MAGI1: variants seen among roughly 807,000 people sequenced by gnomAD.
MAGI1 encodes the protein membrane associated guanylate kinase, WW and PDZ domain containing 1.
In MAGI1, 58 loss-of-function variants were observed where a neutral mutation model predicts 139.9. The ratio of observed to expected loss-of-function variants is 0.41; its 90% CI spans 0.34 to 0.52. The LOEUF (loss-of-function observed/expected upper bound fraction) is 0.52. Among genes scored for constraint, MAGI1 ranks in the 20% least tolerant of loss-of-function variants. The probability of loss-of-function intolerance (pLI) is 0.12; values close to 1 mark genes in which losing one functional copy is unlikely to be tolerated. For synonymous variants in MAGI1, 812 were observed against 737.9 expected (o/e 1.10, Z -1.63); for missense variants, 1,874 against 1,901.6 (o/e 0.99, Z 0.27).
intron 7 of MAGI1, 91 bp downstream of exon 7, chr3:65,447,931 A>G: frequency 7.1e-7 from 1 of 1,410,352 alleles, no homozygotes; most frequent in Non-Finnish European, 1.0e-6. Flanking sequence ...CAAACTAAAG[A>G]AACAGGGATT....
At chr3:65,614,470 A>C (rs1464022613) in intron 2 of MAGI1, among the ~76,000 whole-genome samples, 2 of 152,198 alleles carry the variant, frequency 1.3e-5, no homozygotes, top group African/African-American at 4.8e-5. Flanking sequence ...TATACTTCAA[A>C]AGATTAAGAG....
chr3:65,416,776 A>G (rs1483525141), intron 12 of MAGI1, among the ~76,000 whole-genome samples: 1 of 152,200 alleles, frequency 6.6e-6, no homozygotes, highest in Non-Finnish European at 1.5e-5. Flanking sequence ...GCTCCAGGCT[A>G]TTTTTGAAGA....
At chr3:65,707,513 T>C (rs1053995965) in intron 1 of MAGI1, among the ~76,000 whole-genome samples, 2 of 152,020 alleles carry the variant, frequency 1.3e-5, no homozygotes, top group Non-Finnish European at 2.9e-5. Context: ...AGTGAGACAC[T>C]GTCTCTCTAA....
chr3:65,663,781 A>C (rs2086339529), intron 1 of MAGI1, among the ~76,000 whole-genome samples: 1 of 152,170 alleles, frequency 6.6e-6, no homozygotes, highest in African/African-American at 2.4e-5. Context: ...GTTCAGCAGT[A>C]TCTTTGACCT....
At chr3:65,980,368 G>A (rs768873350) in intron 1 of MAGI1, among the ~76,000 whole-genome samples, 5 of 152,150 alleles carry the variant, frequency 3.3e-5, no homozygotes, top group Non-Finnish European at 7.3e-5. Flanking sequence ...TTCAAGACCA[G>A]CCTGGCCAAC....
chr3:65,470,527 A>G (rs1179356276), intron 4 of MAGI1, 43 bp from the exon 5 acceptor site: 1 of 1,332,964 alleles, frequency 7.5e-7, no homozygotes, highest in Non-Finnish European at 1.1e-6. Flanking sequence ...GAGAGAGAAA[A>G]AAAAAAAATG....
intron 14 of MAGI1, among the ~76,000 whole-genome samples, chr3:65,388,960 C>T (rs1943674409): frequency 6.6e-6 from 1 of 150,428 alleles, no homozygotes. Context: ...CCTCCTGCCT[C>T]AGCCTCCCGA....
chr3:65,465,338 TG>T (rs1226482029), intron 5 of MAGI1, among the ~76,000 whole-genome samples: 12 of 151,290 alleles, frequency 7.9e-5, no homozygotes, highest in African/African-American at 1.7e-4. Context: ...TTTTGTTGGT[TG>T]TTTTTTTTTT....
intron 18 of MAGI1, among the ~76,000 whole-genome samples, chr3:65,366,110 T>C (rs1270579050): frequency 6.6e-6 from 1 of 152,190 alleles, no homozygotes; most frequent in Non-Finnish European, 1.5e-5. Context: ...CTTATTTTTC[T>C]CATCTGTTAA....
intron 1 of MAGI1, among the ~76,000 whole-genome samples, chr3:65,860,663 T>TTGA (rs2059527958): frequency 1.3e-5 from 2 of 152,112 alleles, no homozygotes; most frequent in African/African-American, 2.4e-5. Context: ...GAGTCTGTCC[T>TTGA]CCCCGTGGCA....
At chr3:65,781,075 A>G (rs2038892194) in intron 1 of MAGI1, among the ~76,000 whole-genome samples, 3 of 152,152 alleles carry the variant, frequency 2.0e-5, no homozygotes, top group African/African-American at 7.2e-5. Flanking sequence ...TCATGCCTGT[A>G]ATTCCAACTA....
intron 2 of MAGI1, among the ~76,000 whole-genome samples, chr3:65,608,412 G>A (rs1284566691): frequency 1.3e-5 from 2 of 151,904 alleles, no homozygotes; most frequent in Admixed American, 1.3e-4. Flanking sequence ...TCCAGCCTGG[G>A]CAACAAGAGT....
At chr3:65,459,646 G>C (rs1000722365) in intron 5 of MAGI1, among the ~76,000 whole-genome samples, 35 of 152,270 alleles carry the variant, frequency 2.3e-4, no homozygotes, top group African/African-American at 8.4e-4. Flanking sequence ...ATTCCAGCAT[G>C]ATGTTGAATA....
chr3:65,997,455 G>T (rs1191476182), intron 1 of MAGI1, among the ~76,000 whole-genome samples: 1 of 152,094 alleles, frequency 6.6e-6, no homozygotes, highest in African/African-American at 2.4e-5. Context: ...AAGAGATCAA[G>T]ACCTTCCTGG....
intron 1 of MAGI1, chr3:65,925,221 C>G (rs1327501518): frequency 6.6e-6 from 1 of 152,202 alleles, no homozygotes; most frequent in Non-Finnish European, 1.5e-5. Context: ...CTTTAGATTT[C>G]CACTTCTTCT....
At chr3:65,804,680 A>G (rs2040734913) in intron 1 of MAGI1, among the ~76,000 whole-genome samples, 1 of 151,992 alleles carries the variant, frequency 6.6e-6, no homozygotes, top group East Asian at 1.9e-4. Context: ...GTTTTTCCCA[A>G]TCAAATGTAC....
intron 1 of MAGI1, among the ~76,000 whole-genome samples, chr3:65,794,292 A>T (rs2039978230): frequency 6.6e-6 from 1 of 152,224 alleles, no homozygotes; most frequent in Admixed American, 6.5e-5. Flanking sequence ...ACTCAACAAA[A>T]GACTGAGACC....
At chr3:65,471,006 T>C (rs1198167409) in intron 4 of MAGI1, among the ~76,000 whole-genome samples, 1 of 152,202 alleles carries the variant, frequency 6.6e-6, no homozygotes, top group East Asian at 1.9e-4. Context: ...CTGGCAAAGA[T>C]CAAAGAATGG....
At chr3:66,013,489 C>T (rs1201212567) in intron 1 of MAGI1, among the ~76,000 whole-genome samples, 2 of 151,076 alleles carry the variant, frequency 1.3e-5, no homozygotes, top group Admixed American at 6.6e-5. Context: ...AGGCCAGACT[C>T]GGTGGCTCAA....
Sources: gnomAD v4.1 joint callset for allele counts (sites outside exome capture counted in the v4.1 genomes callset) on GRCh38, gnomAD v4.1.1 for gene constraint, MANE v1.5 for transcripts, NCBI Gene and HGNC (gene_info 2026-07-23, HGNC 2026-07-21) for gene names.